The following REPS2 variants were observed in gnomAD, a reference collection of about 807,000 sequenced individuals.
REPS2 encodes the protein RALBP1 associated Eps domain containing 2.
REPS2 carries 23 observed loss-of-function variants against 53.6 expected under a neutral mutation model. The observed-to-expected ratio is 0.43, with a 90% CI of 0.31 to 0.61. The LOEUF is 0.61. REPS2 is among the 20% of genes least tolerant of loss of function. The pLI, the probability that REPS2 is intolerant of heterozygous loss-of-function variation, is 0.11. For missense variants in REPS2, 446 were observed against 534.9 expected (o/e 0.83, Z 1.64); for synonymous variants, 238 against 218.6 (o/e 1.09, Z -0.78).
chrX:17,153,085 G>A lies in REPS2; in HGVS notation c.*5604G>A, dbSNP rs1021794196. The A allele has an allele frequency of 1.8e-5, 2 of 112,530 alleles. No homozygotes were observed. The highest frequency in any genetic ancestry group is 6.5e-5 in the African/African-American group (2 of 30,872). The allele number at this position is 112,530 out of a possible 1,213,427, so 9.3% of individuals were successfully genotyped here. A position where few individuals can be genotyped will look rare whatever the true frequency, so the allele number is the denominator to read the frequency against. ...ATTTGCTAAGCATTGGGAACATTATGTATATTGACCTTAAACATAGGTGTC... is the reference window on the plus strand; with the variant it reads ...ATTTGCTAAGCATTGGGAACATTATATATATTGACCTTAAACATAGGTGTC... On this transcript the variant is annotated 3_prime_UTR_variant, in exon 18 of 18. Transcript: ENST00000357277.
intron 14 of REPS2, among the ~76,000 whole-genome samples, chrX:17,128,377 T>C (rs903861805): frequency 3.7e-5 from 4 of 109,142 alleles, no homozygotes; most frequent in African/African-American, 1.3e-4. Context: ...TATATCCTTC[T>C]CTAAGTCAGT....
rs139537989 is a variant in REPS2 at position 17,090,653 on chromosome X, G to T, written c.1517-13065G>T. Among the ~76,000 whole-genome samples the T allele has an allele frequency of 7.7e-3, 868 of 112,535 alleles. 11 individuals are homozygous for T. The highest frequency in any genetic ancestry group is 0.027 in the African/African-American group (841 of 30,957). On this transcript the variant is annotated intron_variant, in intron 13 of 17. Coordinates refer to ENST00000357277, the MANE Select transcript of REPS2 (RefSeq NM_004726.3). ...CTGGATACAAATCCTTTATCGGATA[G>T]ATGATTTGCAAATATTTTCCACAGT... is the stretch of plus-strand genomic sequence containing the variant.
chrX:17,100,233 G>A (rs1371183509), intron 13 of REPS2: 5 of 578,825 alleles, frequency 8.6e-6, no homozygotes, highest in Admixed American at 2.3e-5. Context: ...ACCAATCGAC[G>A]GTAGAGAACT....
chrX:17,135,129 C>A, intron 15 of REPS2, 132 bp from the exon 16 acceptor site: 1 of 596,810 alleles, frequency 1.7e-6, no homozygotes, highest in Non-Finnish European at 2.6e-6. Context: ...CTTGCTGAGC[C>A]ATGGGTCAGT....
At chrX:17,063,082 A>G (rs983659760) in intron 9 of REPS2, among the ~76,000 whole-genome samples, 2 of 111,960 alleles carry the variant, frequency 1.8e-5, no homozygotes, top group Non-Finnish European at 1.9e-5. Flanking sequence ...GTGTTGGGCC[A>G]TGGATGGAAG....
Position 16,968,706 on chromosome X carries a change from C to A in REPS2, c.273+21572C>A, listed in dbSNP as rs371743042. ...TGGCCGGGCGGGGGGCTGACCCCCC[C>A]CACCTCCCTCCCGGACGGGGCGGCC... On this transcript the variant is annotated intron_variant, in intron 1 of 17. Coordinates refer to ENST00000357277, the MANE Select transcript of REPS2 (RefSeq NM_004726.3). Among the ~76,000 whole-genome samples the A allele has an allele frequency of 6.4e-4, 65 of 101,715 alleles. 1 individual carries two copies. In the East Asian group the frequency reaches 0.019, roughly 30 times the overall value. 88.3% of individuals were successfully genotyped at this position (101,715 alleles called of 115,157 possible).
At chrX:16,998,522 AT>A (rs768504015) in intron 1 of REPS2, among the ~76,000 whole-genome samples, 1 of 111,371 alleles carries the variant, frequency 9.0e-6, no homozygotes, top group Non-Finnish European at 1.9e-5. Context: ...TAGCATGATG[AT>A]TTTTCTGTAT....
At chrX:17,090,766 CT>C (rs1847306167) in intron 13 of REPS2, among the ~76,000 whole-genome samples, 1 of 111,755 alleles carries the variant, frequency 8.9e-6, no homozygotes, top group Admixed American at 9.5e-5. Context: ...AAATTTTTTC[CT>C]TTTGGATTGT....
intron 1 of REPS2, 142 bp downstream of exon 1, chrX:16,947,276 TGGC>T (rs1292181931): frequency 1.2e-6 from 1 of 855,110 alleles, no homozygotes; most frequent in African/African-American, 2.1e-5. Flanking sequence ...CAGCCGGGGA[TGGC>T]GGCGACGCCC....
At chrX:17,092,626 A>G (rs1464219123) in intron 13 of REPS2, among the ~76,000 whole-genome samples, 2 of 109,121 alleles carry the variant, frequency 1.8e-5, no homozygotes, top group African/African-American at 6.7e-5. Context: ...CAATTGCTTG[A>G]CGAATATGGT....
intron 2 of REPS2, among the ~76,000 whole-genome samples, chrX:17,012,579 G>A (rs1231456206): frequency 9.1e-6 from 1 of 109,752 alleles, no homozygotes; most frequent in African/African-American, 3.3e-5. Flanking sequence ...GACAGACCCC[G>A]TGATTTCTTT....
chrX:17,130,983 C>A (rs1054194707), intron 14 of REPS2, among the ~76,000 whole-genome samples: 1 of 111,938 alleles, frequency 8.9e-6, no homozygotes. Context: ...CTATTAGTAA[C>A]AACAACAACA....
intron 9 of REPS2, among the ~76,000 whole-genome samples, chrX:17,063,601 A>C (rs1242089980): frequency 8.9e-6 from 1 of 112,284 alleles, no homozygotes; most frequent in African/African-American, 3.2e-5. Context: ...AAAAGACATA[A>C]AGAAAAGTCA....
chrX:17,102,557 T>C (rs2062823487), intron 13 of REPS2, among the ~76,000 whole-genome samples: 2 of 112,059 alleles, frequency 1.8e-5, no homozygotes, highest in Non-Finnish European at 3.8e-5. Context: ...AACCCACCGA[T>C]GTGTTTCATA....
At chrX:16,958,217 G>C (rs1363528916) in intron 1 of REPS2, among the ~76,000 whole-genome samples, 2 of 111,734 alleles carry the variant, frequency 1.8e-5, no homozygotes, top group Non-Finnish European at 3.8e-5. Flanking sequence ...AGAGGCTATT[G>C]CTTTCATAGT....
the REPS2 span, among the ~76,000 whole-genome samples, chrX:17,175,648 G>T: frequency 8.9e-6 from 1 of 112,414 alleles, no homozygotes; most frequent in African/African-American, 3.2e-5. Flanking sequence ...CTTCTTCATT[G>T]AATTAATTTA....
rs1420144900 is a variant in REPS2 at position 17,135,890 on chromosome X, G to GA, written c.1808+486dup. On this transcript the variant is annotated intron_variant, in intron 16 of 17. Coordinates refer to ENST00000357277, the MANE Select transcript of REPS2 (RefSeq NM_004726.3). Reference sequence around the variant, plus strand: ...TTCTGTTGTTGGTCGCCTCAGCACAGAATGGATACATGCAGAACTTCCATT... The same window carrying GA: ...TTCTGTTGTTGGTCGCCTCAGCACAGAAATGGATACATGCAGAACTTCCATT... 137 of 114,677 alleles carry GA rather than the reference G, an allele frequency of 1.2e-3. 2 individuals are homozygous for GA. The highest frequency in any genetic ancestry group is 0.011 in the Admixed American group (119 of 10,764). The allele number at this position is 114,677 out of a possible 1,213,427, so 9.5% of individuals were successfully genotyped here. A position where few individuals can be genotyped will look rare whatever the true frequency, so the allele number is the denominator to read the frequency against.
intron 17 of REPS2, among the ~76,000 whole-genome samples, chrX:17,140,477 A>G (rs2063428083): frequency 9.0e-6 from 1 of 111,084 alleles, no homozygotes; most frequent in African/African-American, 3.3e-5. Flanking sequence ...GAAAGTTGAA[A>G]GAATCATAAG....
rs370794081 is a variant in REPS2 at position 17,012,380 on chromosome X, AAAC to A, written c.397+6069_397+6071del. Among the ~76,000 whole-genome samples, 294 of 101,925 alleles carry A rather than the reference AAAC, an allele frequency of 2.9e-3. 1 individual carries two copies. The highest frequency in any genetic ancestry group is 9.6e-3 in the Middle Eastern group (2 of 208). The allele number at this position is 101,925 out of a possible 115,157, so 88.5% of individuals were successfully genotyped here. A position where few individuals can be genotyped will look rare whatever the true frequency, so the allele number is the denominator to read the frequency against. On this transcript the variant is annotated intron_variant, in intron 2 of 17. Coordinates refer to ENST00000357277, the MANE Select transcript of REPS2 (RefSeq NM_004726.3). ...GGCGACAGAGCGAGATGCCATCTCA[AAAC>A]AACAACAACAACAACAACAACAACA...
Sources: allele counts gnomAD v4.1 joint callset (sites outside exome capture counted in the v4.1 genomes callset), GRCh38; gene constraint gnomAD v4.1.1; transcripts MANE v1.5; gene names NCBI Gene and HGNC (gene_info 2026-07-23, HGNC 2026-07-21).